The following TRIP4 variants were observed in gnomAD, a reference collection of about 807,000 sequenced individuals.
The protein encoded by TRIP4 is activating signal cointegrator 1.
A neutral mutation model predicts 81.8 loss-of-function variants in TRIP4; 54 were observed. That is an observed-to-expected ratio of 0.66 (90% CI 0.53 to 0.83). The LOEUF (loss-of-function observed/expected upper bound fraction) is 0.83. Ranked by LOEUF, TRIP4 falls within the 40% of genes least tolerant of loss-of-function variation. The probability of loss-of-function intolerance (pLI) is 0.00; values close to 1 mark genes in which losing one functional copy is unlikely to be tolerated. For synonymous variants in TRIP4, 270 were observed against 242.8 expected (o/e 1.11, Z -1.04); for missense variants, 662 against 683.6 (o/e 0.97, Z 0.35).
intron 11 of TRIP4, among the ~76,000 whole-genome samples, chr15:64,431,044 C>G (rs1168864575): frequency 6.6e-6 from 1 of 152,016 alleles, no homozygotes; most frequent in Non-Finnish European, 1.5e-5. Flanking sequence ...AGTATCACTT[C>G]GTTTGTGGAA....
At chr15:64,450,785 T>G in intron 12 of TRIP4, 1 of 455,872 alleles carries the variant, frequency 2.2e-6, no homozygotes, top group Non-Finnish European at 4.4e-6. Flanking sequence ...AAGCCAGAGA[T>G]TAGTCTGCCT....
At chr15:64,409,876 C>T (rs1226189000) in intron 7 of TRIP4, 48 bp downstream of exon 7, 11 of 1,541,624 alleles carry the variant, frequency 7.1e-6, no homozygotes, top group Non-Finnish European at 9.8e-6. Flanking sequence ...ACAGGTTGAC[C>T]ATAAAGGATT....
In TRIP4 at chr15:64,429,396, G is replaced by C. The variant is rs150123740; in HGVS notation, c.1575+3765G>C. 5.9e-5 allele frequency among the ~76,000 whole-genome samples: 9 copies of C among 152,290 alleles called. No homozygotes were observed. The East Asian group carries it at 1.7e-3, about 29-fold the overall frequency. On this transcript the variant is annotated intron_variant, in intron 11 of 12. Transcript: ENST00000261884. ...CCAGCCTCATTCTTGTTTTCTGAAT[G>C]AATGAGTTGAGAGTTTAGGAATAAT...
intron 1 of TRIP4, among the ~76,000 whole-genome samples, chr15:64,389,686 G>A (rs1484356966): frequency 6.8e-6 from 1 of 146,900 alleles, no homozygotes. Flanking sequence ...TGTTTTTTAC[G>A]AATATAAGTT....
chr15:64,411,910 T>C (rs1891774733), intron 7 of TRIP4, among the ~76,000 whole-genome samples: 1 of 147,690 alleles, frequency 6.8e-6, no homozygotes, highest in African/African-American at 2.5e-5. Context: ...CTCAATCTCC[T>C]GACCTCGTGA....
intron 7 of TRIP4, among the ~76,000 whole-genome samples, chr15:64,410,153 G>A (rs1014190889): frequency 3.3e-5 from 5 of 151,494 alleles, no homozygotes. Flanking sequence ...AGCCCCTTGA[G>A]TAGCTGGGAT....
intron 12 of TRIP4, among the ~76,000 whole-genome samples, chr15:64,446,954 A>C (rs1892647733): frequency 6.6e-6 from 1 of 151,838 alleles, no homozygotes; most frequent in South Asian, 2.1e-4. Context: ...AATACAAAAA[A>C]TTAGCCAGGC....
chr15:64,438,050 T>C (rs1468531057), intron 11 of TRIP4, among the ~76,000 whole-genome samples: 1 of 152,212 alleles, frequency 6.6e-6, no homozygotes, highest in East Asian at 1.9e-4. Context: ...GGTTTCTTTT[T>C]TGTTCTAAAA....
chr15:64,402,472 C>T (rs1177944351), intron 5 of TRIP4, among the ~76,000 whole-genome samples: 1 of 151,384 alleles, frequency 6.6e-6, no homozygotes, highest in Non-Finnish European at 1.5e-5. Flanking sequence ...CCACCCACCT[C>T]AGCCTCCCAA....
chr15:64,408,298 G>T (rs71394554), intron 6 of TRIP4, among the ~76,000 whole-genome samples: 1 of 109,932 alleles, frequency 9.1e-6, no homozygotes, highest in Non-Finnish European at 1.7e-5. Flanking sequence ...TTGCTCTGTC[G>T]CCTGGGCTGC....
intron 11 of TRIP4, among the ~76,000 whole-genome samples, chr15:64,430,474 T>A (rs1353388233): frequency 1.3e-5 from 2 of 152,244 alleles, no homozygotes; most frequent in African/African-American, 2.4e-5. Context: ...GGCTGTGGTT[T>A]GTAACCTCAA....
intron 7 of TRIP4, among the ~76,000 whole-genome samples, chr15:64,412,372 C>T (rs1440133106): frequency 1.3e-5 from 2 of 152,106 alleles, no homozygotes; most frequent in Non-Finnish European, 2.9e-5. Flanking sequence ...GGAAATTCCT[C>T]CTCCATTCTT....
At position 64,399,326 on chromosome 15, in the gene TRIP4, A is replaced by G. The variant is rs961255650; in HGVS notation, c.619-1417A>G. ...GACCTGAAAAATGTAGTGTCTACCA[A>G]TAAAAATGTCCATTAAATGGCAGTA... On this transcript the variant is annotated intron_variant, in intron 4 of 12. Transcript: ENST00000261884. Among the ~76,000 whole-genome samples, 3 of 152,100 alleles carry G rather than the reference A, an allele frequency of 2.0e-5. No individual in the cohort carries two copies. The East Asian group carries it at 5.8e-4, about 29-fold the overall frequency.
chr15:64,451,152 G>A (rs1892748490), intron 12 of TRIP4, among the ~76,000 whole-genome samples: 1 of 151,768 alleles, frequency 6.6e-6, no homozygotes, highest in Admixed American at 6.6e-5. Context: ...TTGCTCTGTT[G>A]CCCAGGCTGG....
chr15:64,391,227 G>T (rs1414631467), intron 1 of TRIP4, among the ~76,000 whole-genome samples: 3 of 151,790 alleles, frequency 2.0e-5, no homozygotes, highest in African/African-American at 7.3e-5. Context: ...CAGGATCTCG[G>T]CTCACTGCAA....
chr15:64,393,152 T>A (rs1172808230), intron 1 of TRIP4, among the ~76,000 whole-genome samples: 3 of 128,262 alleles, frequency 2.3e-5, no homozygotes, highest in Non-Finnish European at 3.2e-5. Context: ...TGTATGTTAA[T>A]TTTTTTTTTT....
At chr15:64,397,932 A>AAC in intron 4 of TRIP4, 114 bp downstream of exon 4, 2 of 1,200,668 alleles carry the variant, frequency 1.7e-6, no homozygotes, top group Non-Finnish European at 2.3e-6. Flanking sequence ...ACGGAGTCTC[A>AAC]CTTTGTCGCC....
intron 4 of TRIP4, 102 bp downstream of exon 4, chr15:64,397,920 A>G (rs1900341320): frequency 7.6e-7 from 1 of 1,315,836 alleles, no homozygotes; most frequent in South Asian, 1.5e-5. Flanking sequence ...TTTTTGGTTG[A>G]GACGGAGTCT....
chr15:64,425,620 T>G lies in TRIP4; in HGVS notation c.1564T>G (p.Phe522Val). 6.2e-7 allele frequency: 1 copy of G among 1,611,656 alleles called. No homozygotes were observed. The highest frequency in any genetic ancestry group is 8.5e-7 in the Non-Finnish European group (1 of 1,178,772). The change falls in exon 11 of 13, where the codon TTT becomes GTT. Residue 522 changes from phenylalanine (F) to valine (V), a missense_variant. By Grantham distance (50) the Phe-to-Val change is conservative. Transcript: ENST00000261884. Reference sequence around the variant, plus strand: ...AATTGACTGCTTGTCCCAGAAGCAATTTAAGGAGCAGGTGAGTAAAGAATA... The same window carrying G: ...AATTGACTGCTTGTCCCAGAAGCAAGTTAAGGAGCAGGTGAGTAAAGAATA... ...DLIDCLSQKQFKEQFPDISQE... is the reference protein window; with the variant it reads ...DLIDCLSQKQVKEQFPDISQE...
Sources: gnomAD v4.1 joint callset for allele counts (sites outside exome capture counted in the v4.1 genomes callset) on GRCh38, gnomAD v4.1.1 for gene constraint, MANE v1.5 for transcripts, NCBI Gene and HGNC (gene_info 2026-07-23, HGNC 2026-07-21) for gene names.